CAMSAP2: variants seen among roughly 807,000 people sequenced by gnomAD.
CAMSAP2 encodes the protein calmodulin-regulated spectrin-associated protein 2.
Under a neutral mutation model 146.1 loss-of-function variants are expected in CAMSAP2, and 26 were observed. The ratio of observed to expected loss-of-function variants is 0.18; its 90% CI spans 0.13 to 0.25. The LOEUF (loss-of-function observed/expected upper bound fraction) is 0.25. CAMSAP2 is among the 10% of genes least tolerant of loss of function. The probability of loss-of-function intolerance (pLI) is 1.00; values close to 1 mark genes in which losing one functional copy is unlikely to be tolerated. For missense variants in CAMSAP2, 1,381 were observed against 1,759.3 expected (o/e 0.78, Z 3.85); for synonymous variants, 499 against 596.6 (o/e 0.84, Z 2.38).
intron 9 of CAMSAP2, among the ~76,000 whole-genome samples, 155 bp downstream of exon 9, chr1:200,847,447 A>C (rs576931934): frequency 6.8e-4 from 104 of 151,956 alleles, no homozygotes; most frequent in African/African-American, 2.2e-3. Flanking sequence ...AAAAATGGCT[A>C]TTATAACACA....
chr1:200,752,503 T>C (rs1664534187), intron 1 of CAMSAP2, among the ~76,000 whole-genome samples: 1 of 152,196 alleles, frequency 6.6e-6, no homozygotes, highest in African/African-American at 2.4e-5. Context: ...AACCTTGACG[T>C]GATACTCTTA....
chr1:200,770,354 G>A (rs1338182256), intron 2 of CAMSAP2, among the ~76,000 whole-genome samples: 2 of 151,980 alleles, frequency 1.3e-5, no homozygotes, highest in Non-Finnish European at 2.9e-5. Context: ...TGATTCCAAA[G>A]CCCATGCTTA....
chr1:200,792,569 C>T (rs757531236), intron 2 of CAMSAP2, among the ~76,000 whole-genome samples: 2 of 152,098 alleles, frequency 1.3e-5, no homozygotes, highest in Non-Finnish European at 2.9e-5. Context: ...TGCTTGAACC[C>T]GGGAGGAGGA....
intron 2 of CAMSAP2, among the ~76,000 whole-genome samples, chr1:200,790,542 C>T (rs1571757742): frequency 6.6e-6 from 1 of 152,292 alleles, no homozygotes; most frequent in East Asian, 1.9e-4. Flanking sequence ...AGCACTGGTT[C>T]CCTTGGCTGT....
At chr1:200,815,683 T>A (rs368441570) in intron 4 of CAMSAP2, 39 bp downstream of exon 4, 1 of 983,864 alleles carries the variant, frequency 1.0e-6, no homozygotes, top group African/African-American at 1.7e-5. Flanking sequence ...TTTATGAGAC[T>A]GTATATATGT....
chr1:200,797,164 A>C (rs1211349958), intron 2 of CAMSAP2, among the ~76,000 whole-genome samples: 1 of 152,010 alleles, frequency 6.6e-6, no homozygotes, highest in East Asian at 1.9e-4. Flanking sequence ...AGAATGATTT[A>C]TAGTCCTTTG....
rs143160997 is a variant in CAMSAP2 at position 200,794,839 on chromosome 1, T to G, written c.400-12537T>G. Among the ~76,000 whole-genome samples, 121 of 152,378 alleles carry G rather than the reference T, an allele frequency of 7.9e-4. 1 individual carries two copies. Among genetic ancestry groups the G allele is most frequent in the African/African-American group, 2.8e-3 (118 of 41,592 alleles). On this transcript the variant is annotated intron_variant, in intron 2 of 16. Coordinates refer to ENST00000358823, the MANE Select transcript of CAMSAP2 (RefSeq NM_203459.4). ...TTCAGTATGGCAACCTCCAGCCATG[T>G]TGATGAGTCTGCCTGGGCAGTCCTC...
intron 2 of CAMSAP2, among the ~76,000 whole-genome samples, chr1:200,791,983 AC>A (rs945386727): frequency 6.6e-6 from 1 of 151,936 alleles, no homozygotes; most frequent in African/African-American, 2.4e-5. Context: ...AAAAATACTT[AC>A]CCAAAATAAT....
At chr1:200,755,181 G>T (rs1232243543) in intron 1 of CAMSAP2, among the ~76,000 whole-genome samples, 2 of 152,128 alleles carry the variant, frequency 1.3e-5, no homozygotes, top group Non-Finnish European at 2.9e-5. Context: ...TGGTGGGGAA[G>T]GTATTAGAAA....
intron 2 of CAMSAP2, among the ~76,000 whole-genome samples, chr1:200,802,655 CA>C (rs1031744155): frequency 6.6e-6 from 1 of 152,008 alleles, no homozygotes; most frequent in Non-Finnish European, 1.5e-5. Context: ...TTTATTAGTC[CA>C]AAAACTAAGT....
chr1:200,795,042 TAGTA>T (rs1219863053), intron 2 of CAMSAP2, among the ~76,000 whole-genome samples: 1 of 152,200 alleles, frequency 6.6e-6, no homozygotes, highest in Non-Finnish European at 1.5e-5. Flanking sequence ...ATCACCTAGT[TAGTA>T]AGTGGCAGAG....
intron 3 of CAMSAP2, among the ~76,000 whole-genome samples, chr1:200,808,120 C>T (rs1315542261): frequency 6.6e-6 from 1 of 152,202 alleles, no homozygotes; most frequent in Non-Finnish European, 1.5e-5. Flanking sequence ...TAATAGTGAA[C>T]TATACACAGT....
chr1:200,817,191 T>TACACACACAC (rs71135399), intron 4 of CAMSAP2, among the ~76,000 whole-genome samples: 1 of 133,530 alleles, frequency 7.5e-6, no homozygotes, highest in African/African-American at 2.7e-5. Flanking sequence ...CACACACACA[T>TACACACACAC]GTGTGTGTGT....
chr1:200,790,325 C>A (rs1321414513), intron 2 of CAMSAP2, among the ~76,000 whole-genome samples: 1 of 152,112 alleles, frequency 6.6e-6, no homozygotes, highest in Non-Finnish European at 1.5e-5. Context: ...CTCTCCCCTC[C>A]CACTGGAACC....
At position 200,832,025 on chromosome 1, in the gene CAMSAP2, C is replaced by T. The variant is rs1235214960; in HGVS notation, c.646-175C>T. The T allele has an allele frequency of 9.3e-6, 5 of 535,820 alleles. No homozygotes were observed. The highest frequency in any genetic ancestry group is 5.8e-5 in the African/African-American group (3 of 51,352). 33.2% of individuals were successfully genotyped at this position (535,820 alleles called of 1,614,324 possible). A position where few individuals can be genotyped will look rare whatever the true frequency, so the allele number is the denominator to read the frequency against. ...GCTTCAAAACTATAGCTATTGTTGC[C>T]GTGTATTTAACTTTGGTAATACCTA... On this transcript the variant is annotated intron_variant, in intron 4 of 16. Transcript: ENST00000358823. The surrounding 1 kb of genome is among the most constrained non-coding windows in gnomAD (Gnocchi z 4.2).
chr1:200,800,611 C>T (rs1042266763), intron 2 of CAMSAP2, among the ~76,000 whole-genome samples: 2 of 151,902 alleles, frequency 1.3e-5, no homozygotes, highest in African/African-American at 4.8e-5. Context: ...GGTCTTGACT[C>T]TATCCAATTT....
intron 4 of CAMSAP2, among the ~76,000 whole-genome samples, chr1:200,819,033 A>C (rs1666679775): frequency 6.6e-6 from 1 of 152,184 alleles, no homozygotes; most frequent in African/African-American, 2.4e-5. Context: ...TTGTTTTATG[A>C]AATATCTTTT....
chr1:200,799,869 G>C (rs1463633768), intron 2 of CAMSAP2, among the ~76,000 whole-genome samples: 2 of 152,108 alleles, frequency 1.3e-5, no homozygotes, highest in African/African-American at 4.8e-5. Context: ...TCTAGTACAT[G>C]TGTCTTTGTT....
chr1:200,747,548 A>G (rs770650132), intron 1 of CAMSAP2, among the ~76,000 whole-genome samples: 25 of 152,158 alleles, frequency 1.6e-4, no homozygotes, highest in Non-Finnish European at 3.5e-4. Context: ...GTCCACCTCA[A>G]ATTGGCTAAT....
Sources: allele counts gnomAD v4.1 joint callset (sites outside exome capture counted in the v4.1 genomes callset), GRCh38; gene constraint gnomAD v4.1.1; non-coding constraint Gnocchi (gnomAD v3.1); transcripts MANE v1.5; gene names NCBI Gene and HGNC (gene_info 2026-07-23, HGNC 2026-07-21).